Variants in TUSC3 observed in about 807,000 individuals in gnomAD.
TUSC3 encodes the protein dolichyl-diphosphooligosaccharide--protein glycosyltransferase subunit TUSC3.
A neutral mutation model predicts 44.8 loss-of-function variants in TUSC3; 45 were observed. The observed-to-expected ratio is 1.00, with a 90% CI of 0.79 to 1.29. The LOEUF is 1.29. Ranked by LOEUF, TUSC3 falls within the 50% of genes most tolerant of loss-of-function variation. TUSC3 has a pLI of 0.00. For synonymous variants in TUSC3, 212 were observed against 152.9 expected (o/e 1.39, Z -2.85); for missense variants, 519 against 437.9 (o/e 1.19, Z -1.65).
intron 1 of TUSC3, among the ~76,000 whole-genome samples, chr8:15,446,587 C>T (rs556172357): frequency 5.9e-4 from 90 of 151,808 alleles, no homozygotes; most frequent in Non-Finnish European, 1.0e-3. Context: ...ACGAGTCAGG[C>T]GTGGCGGCGG....
At chr8:15,622,907 T>C (rs1805316783) in intron 1 of TUSC3, among the ~76,000 whole-genome samples, 173 bp from the exon 2 acceptor site, 1 of 152,154 alleles carries the variant, frequency 6.6e-6, no homozygotes, top group Non-Finnish European at 1.5e-5. Flanking sequence ...CCCAACATTA[T>C]AAAAATATAT....
intron 2 of TUSC3, among the ~76,000 whole-genome samples, chr8:15,649,041 C>G (rs895839990): frequency 2.0e-5 from 3 of 152,098 alleles, no homozygotes; most frequent in Non-Finnish European, 2.9e-5. Flanking sequence ...GTGGTAAAAT[C>G]TCAGATCCTG....
intron 6 of TUSC3, among the ~76,000 whole-genome samples, chr8:15,681,636 A>C (rs1020297829): frequency 2.0e-5 from 3 of 147,098 alleles, no homozygotes; most frequent in African/African-American, 7.5e-5. Context: ...GGTTTCATTG[A>C]TTCTTTATAT....
chr8:15,629,288 A>G (rs187324537), intron 2 of TUSC3, among the ~76,000 whole-genome samples: 79 of 152,242 alleles, frequency 5.2e-4, no homozygotes, highest in Admixed American at 4.7e-3. Context: ...TGAATTTCAA[A>G]GGGGCGTCTG....
At chr8:15,733,349 T>G (rs771621963) in intron 7 of TUSC3, 4 of 402,510 alleles carry the variant, frequency 9.9e-6, no homozygotes, top group East Asian at 8.1e-5. Flanking sequence ...TAGCTTCTTT[T>G]TGTTTTTTTT....
the TUSC3 span, among the ~76,000 whole-genome samples, chr8:15,826,382 A>G: frequency 1.3e-5 from 2 of 152,200 alleles, no homozygotes; most frequent in Admixed American, 6.5e-5. Context: ...TATGCTTTCA[A>G]TAGCTTTAAT....
intron 6 of TUSC3, among the ~76,000 whole-genome samples, chr8:15,675,327 A>G (rs1420392468): frequency 6.6e-6 from 1 of 152,102 alleles, no homozygotes; most frequent in Admixed American, 6.6e-5. Flanking sequence ...ATATTAAGGC[A>G]TTGCTTTTCA....
intron 1 of TUSC3, among the ~76,000 whole-genome samples, chr8:15,561,294 GT>G (rs1293088731): frequency 6.8e-6 from 1 of 148,092 alleles, no homozygotes; most frequent in Non-Finnish European, 1.5e-5. Flanking sequence ...CTGCTGGGGG[GT>G]GCCTCCCAGT....
chr8:15,426,330 G>A (rs763500937), intron 1 of TUSC3, among the ~76,000 whole-genome samples: 6 of 152,154 alleles, frequency 3.9e-5, no homozygotes, highest in Admixed American at 6.5e-5. Flanking sequence ...TAGGCACTAC[G>A]TTAGACAGCT....
intron 6 of TUSC3, among the ~76,000 whole-genome samples, chr8:15,692,216 T>C (rs986908587): frequency 6.6e-6 from 1 of 152,132 alleles, no homozygotes; most frequent in African/African-American, 2.4e-5. Flanking sequence ...CTGCTGGATT[T>C]AGTTTGCTAG....
intron 1 of TUSC3, among the ~76,000 whole-genome samples, chr8:15,435,476 A>T (rs759258971): frequency 6.6e-6 from 1 of 152,244 alleles, no homozygotes; most frequent in Non-Finnish European, 1.5e-5. Flanking sequence ...AAATATTTCA[A>T]TAACATTGAT....
At chr8:15,518,903 T>G (rs573423046) in intron 2 of TUSC3, among the ~76,000 whole-genome samples, 13 of 152,348 alleles carry the variant, frequency 8.5e-5, no homozygotes, top group African/African-American at 3.1e-4. Flanking sequence ...ATACTGTTCT[T>G]TCTTCTCTAT....
rs376975630 is a variant in TUSC3 at position 15,458,005 on chromosome 8, T to C, written n.92-25381T>C. ...TAAACACATGCAACATAATGTACTT[T>C]GTATAAAGTTAAAAAGGCCAAATAA... On this transcript the variant is annotated intron_variant and non_coding_transcript_variant, in intron 1 of 5. Transcript: ENST00000503191. Among the ~76,000 whole-genome samples the C allele has an allele frequency of 9.1e-4, 138 of 152,010 alleles. 1 individual carries two copies. The South Asian group carries it at 0.02, about 21-fold the overall frequency.
rs141695190 is a variant in TUSC3 at position 15,420,514 on chromosome 8, A to T, written n.91+3209A>T. 8.8e-4 allele frequency among the ~76,000 whole-genome samples: 134 copies of T among 151,974 alleles called. 1 individual carries two copies. In the East Asian group the frequency reaches 0.025, roughly 28 times the overall value. ...CTCTGTCTCATAAAGAAAAAAAAAA[A>T]GTTGTGTGGAATCTGCTTCTGTATG... On this transcript the variant is annotated intron_variant and non_coding_transcript_variant, in intron 1 of 5. Transcript: ENST00000503191.
upstream of TUSC3, among the ~76,000 whole-genome samples, chr8:15,539,984 G>A (rs538836365): frequency 5.3e-5 from 8 of 152,284 alleles, no homozygotes; most frequent in South Asian, 1.7e-3. Context: ...ATTCCCCAAA[G>A]CTTCCCCTTC....
chr8:15,589,614 C>G (rs1245862480), intron 1 of TUSC3, among the ~76,000 whole-genome samples: 1 of 152,060 alleles, frequency 6.6e-6, no homozygotes, highest in African/African-American at 2.4e-5. Context: ...TGTACTAGAT[C>G]TTTAAGCTAA....
chr8:15,427,166 T>C (rs1021627157), intron 1 of TUSC3, among the ~76,000 whole-genome samples: 3 of 151,978 alleles, frequency 2.0e-5, no homozygotes, highest in Non-Finnish European at 2.9e-5. Context: ...AAATACTTTA[T>C]TTCATTCTAC....
intron 10 of TUSC3, among the ~76,000 whole-genome samples, chr8:15,761,840 G>GA (rs1249579073): frequency 1.3e-5 from 2 of 152,074 alleles, no homozygotes; most frequent in African/African-American, 2.4e-5. Context: ...GGCATTATTA[G>GA]AAAAAACAAT....
the TUSC3 span, among the ~76,000 whole-genome samples, chr8:15,812,803 A>G: frequency 6.6e-6 from 1 of 152,284 alleles, no homozygotes; most frequent in East Asian, 1.9e-4. Flanking sequence ...ATATGAAGAA[A>G]GAAAAAAATG....
Sources: gnomAD v4.1 joint callset for allele counts (sites outside exome capture counted in the v4.1 genomes callset) on GRCh38, gnomAD v4.1.1 for gene constraint, MANE v1.5 for transcripts, NCBI Gene and HGNC (gene_info 2026-07-23, HGNC 2026-07-21) for gene names.